GDAP2: variants seen among roughly 807,000 people sequenced by gnomAD.
GDAP2 encodes the protein ganglioside induced differentiation associated protein 2.
In GDAP2, 51 loss-of-function variants were observed where a neutral mutation model predicts 67.0. The observed-to-expected ratio is 0.76, with a 90% confidence interval of 0.61 to 0.96. The LOEUF (loss-of-function observed/expected upper bound fraction) is 0.96, where lower values mean the gene tolerates loss of function less well. Among genes scored for constraint, GDAP2 ranks in the 40% least tolerant of loss-of-function variants. The pLI is 0.00. For missense variants in GDAP2, 547 were observed against 588.3 expected (o/e 0.93, Z 0.73); for synonymous variants, 203 against 207.3 (o/e 0.98, Z 0.18).
intron 10 of GDAP2, among the ~76,000 whole-genome samples, chr1:117,883,907 T>G (rs1648756607): frequency 1.3e-5 from 2 of 152,212 alleles, no homozygotes; most frequent in South Asian, 4.1e-4. Context: ...CTCTATCCTC[T>G]AAAACAATTC....
intron 5 of GDAP2, among the ~76,000 whole-genome samples, chr1:117,910,765 G>A (rs940877219): frequency 2.6e-5 from 4 of 152,106 alleles, no homozygotes. Flanking sequence ...CAAGAAGTTC[G>A]CTAAAATACT....
At chr1:117,900,439 A>C (rs1307151252) in intron 6 of GDAP2, among the ~76,000 whole-genome samples, 1 of 152,168 alleles carries the variant, frequency 6.6e-6, no homozygotes, top group South Asian at 2.1e-4. Flanking sequence ...TCTTTCTGTC[A>C]CTATGAATTT....
chr1:117,886,505 G>A, intron 10 of GDAP2, 72 bp downstream of exon 10: 1 of 842,426 alleles, frequency 1.2e-6, no homozygotes, highest in East Asian at 2.4e-5. Context: ...TGTAGGCCTT[G>A]ATTCCAAATT....
intron 5 of GDAP2, 81 bp from the exon 6 acceptor site, chr1:117,906,663 A>C: frequency 1.3e-6 from 1 of 752,040 alleles, no homozygotes; most frequent in Admixed American, 2.2e-5. Context: ...TCAATGTTTT[A>C]GTTTTGTAAT....
At chr1:117,917,074 A>C (rs960170734) in intron 3 of GDAP2, among the ~76,000 whole-genome samples, 5 of 151,906 alleles carry the variant, frequency 3.3e-5, no homozygotes, top group Non-Finnish European at 7.4e-5. Context: ...AATGGAATGG[A>C]AAATAATGCC....
Position 117,912,696 on chromosome 1 carries a change from GAAA to G in GDAP2, c.317-16_317-14del, listed in dbSNP as rs757489017. On this transcript the variant is annotated splice_polypyrimidine_tract_variant and intron_variant, in intron 3 of 13. Coordinates refer to ENST00000369443, the MANE Select transcript of GDAP2 (RefSeq NM_017686.4). ...CCTGTTCGGCACCCTGAAAACAATG[GAAA>G]CACACATAAGTTTGGATGTGTTAGG... The G allele has an allele frequency of 1.5e-5, 24 of 1,608,818 alleles. No homozygotes were observed. The Middle Eastern group carries it at 5.0e-4, about 33-fold the overall frequency.
At chr1:117,916,162 C>T (rs1219796338) in intron 3 of GDAP2, among the ~76,000 whole-genome samples, 1 of 152,156 alleles carries the variant, frequency 6.6e-6, no homozygotes. Context: ...AGAAGTACTG[C>T]AGGCTGGCAG....
chr1:117,876,272 C>A (rs1401369841), intron 13 of GDAP2, among the ~76,000 whole-genome samples: 2 of 152,020 alleles, frequency 1.3e-5, no homozygotes, highest in Non-Finnish European at 2.9e-5. Flanking sequence ...TGGCACCTCC[C>A]TTCCCTCTCT....
intron 1 of GDAP2, among the ~76,000 whole-genome samples, chr1:117,926,198 G>A (rs189386345): frequency 3.0e-4 from 45 of 152,122 alleles, no homozygotes; most frequent in Non-Finnish European, 5.0e-4. Flanking sequence ...TTTTGCTTCC[G>A]CTCTACAGCT....
intron 8 of GDAP2, among the ~76,000 whole-genome samples, chr1:117,888,880 A>G (rs1166078257): frequency 1.3e-5 from 2 of 152,156 alleles, no homozygotes; most frequent in Non-Finnish European, 2.9e-5. Context: ...TGCACAACTG[A>G]AAATATTTAA....
chr1:117,881,087 T>G (rs1402753737), intron 12 of GDAP2, among the ~76,000 whole-genome samples: 1 of 152,142 alleles, frequency 6.6e-6, no homozygotes, highest in Non-Finnish European at 1.5e-5. Flanking sequence ...GTACAATGGA[T>G]TATTTCAAGT....
At position 117,907,912 on chromosome 1, in the gene GDAP2, A is replaced by G. The variant is rs374029206; in HGVS notation, c.560-1330T>C. Among the ~76,000 whole-genome samples, 41 of 152,224 alleles carry G rather than the reference A, an allele frequency of 2.7e-4. No homozygotes were observed. In the East Asian group the frequency reaches 3.7e-3, roughly 14 times the overall value. On this transcript the variant is annotated intron_variant, in intron 5 of 13. Coordinates refer to ENST00000369443, the MANE Select transcript of GDAP2 (RefSeq NM_017686.4). ...TTCAAAAACCCTAGCATGACTCTCT[A>G]TACTCCAACGCCAACTGTCCACTTT...
At chr1:117,904,563 T>C (rs1021251814) in intron 6 of GDAP2, among the ~76,000 whole-genome samples, 1 of 152,210 alleles carries the variant, frequency 6.6e-6, no homozygotes, top group African/African-American at 2.4e-5. Context: ...ATGGTAAATG[T>C]TGATTATTTT....
In GDAP2 at chr1:117,877,704, AT is replaced by A. The variant is rs1242977434; in HGVS notation, c.1446+304del. 2.8e-6 allele frequency: 3 copies of A among 1,074,658 alleles called. No individual in the cohort carries two copies. In the African/African-American group the frequency reaches 5.0e-5, roughly 18 times the overall value. 66.6% of individuals were successfully genotyped at this position (1,074,658 alleles called of 1,614,324 possible). A position where few individuals can be genotyped will look rare whatever the true frequency, so the allele number is the denominator to read the frequency against. The stretch of plus-strand genomic sequence containing the variant: ...TGGAAAGCCATTCAATCTTAAGAAA[AT>A]TAGGCAGAGGTATCTGTTTTAAATA... On this transcript the variant is annotated intron_variant, in intron 13 of 13. Transcript: ENST00000369443.
intron 6 of GDAP2, among the ~76,000 whole-genome samples, chr1:117,900,790 G>A (rs1649430424): frequency 6.6e-6 from 1 of 151,216 alleles, no homozygotes; most frequent in Non-Finnish European, 1.5e-5. Context: ...GCCGGGCACG[G>A]TGGCTCACGC....
chr1:117,897,005 A>G lies in GDAP2; in HGVS notation c.797-16T>C. The stretch of plus-strand genomic sequence containing the variant: ...TCTTGGTTATCTGTAACAAAAATGC[A>G]ACTATCAATAGAGAGCTTATGCTAA... On this transcript the variant is annotated splice_polypyrimidine_tract_variant and intron_variant, in intron 7 of 13. Transcript: ENST00000369443. The G allele has an allele frequency of 6.3e-7, 1 of 1,577,170 alleles. No homozygotes were observed. The highest frequency in any genetic ancestry group is 8.7e-7 in the Non-Finnish European group (1 of 1,153,416).
In GDAP2 at chr1:117,865,848, A is replaced by G. The variant is rs1001029405; in HGVS notation, c.*4721T>C. The G allele has an allele frequency of 7.2e-5, 11 of 152,228 alleles. No individual in the cohort carries two copies. Among genetic ancestry groups the G allele is most frequent in the Admixed American group, 2.0e-4 (3 of 15,282 alleles). 9.4% of individuals were successfully genotyped at this position (152,228 alleles called of 1,614,324 possible). A position where few individuals can be genotyped will look rare whatever the true frequency, so the allele number is the denominator to read the frequency against. On this transcript the variant is annotated 3_prime_UTR_variant, in exon 14 of 14. Coordinates refer to ENST00000369443, the MANE Select transcript of GDAP2 (RefSeq NM_017686.4). ...GTCACTAATATCTAAAATGATCTTG[A>G]TACCATCTGTTTAAGGACTAGTTCA...
Position 117,870,040 on chromosome 1 carries a change from G to A in GDAP2, c.*529C>T, listed in dbSNP as rs979382809. The A allele has an allele frequency of 6.6e-6, 1 of 152,588 alleles. No homozygotes were observed. Among genetic ancestry groups the A allele is most frequent in the Non-Finnish European group, 1.5e-5 (1 of 68,404 alleles). The allele number at this position is 152,588 out of a possible 1,614,324, so 9.5% of individuals were successfully genotyped here. On this transcript the variant is annotated 3_prime_UTR_variant, in exon 14 of 14. Coordinates refer to ENST00000369443, the MANE Select transcript of GDAP2 (RefSeq NM_017686.4). ...TTTGCTAATGATTTTGATGTTTTTT[G>A]TCAGATACATTTCCACATTCTTGGA...
rs921291740 is a variant in GDAP2 at position 117,922,385 on chromosome 1, G to A, written c.-67-1961C>T. On this transcript the variant is annotated intron_variant, in intron 1 of 13. Transcript: ENST00000369443. Reference sequence around the variant, plus strand: ...GAAAGCATGGTGGCCTAAAAGCCAAGTGAAGAAAACATTTCAAGCAATACT... The same window carrying A: ...GAAAGCATGGTGGCCTAAAAGCCAAATGAAGAAAACATTTCAAGCAATACT... 7.2e-5 allele frequency among the ~76,000 whole-genome samples: 11 copies of A among 152,312 alleles called. No individual in the cohort carries two copies. The East Asian group carries it at 1.9e-3, about 27-fold the overall frequency.
Sources: allele counts gnomAD v4.1 joint callset (sites outside exome capture counted in the v4.1 genomes callset), GRCh38; gene constraint gnomAD v4.1.1; transcripts MANE v1.5; gene names NCBI Gene and HGNC (gene_info 2026-07-23, HGNC 2026-07-21).